Variants in PRKAR1B observed in about 807,000 individuals in gnomAD.
The protein encoded by PRKAR1B is cAMP-dependent protein kinase type I-beta regulatory subunit.
PRKAR1B carries 22 observed loss-of-function variants against 46.5 expected under a neutral mutation model. That is an observed-to-expected ratio of 0.47 (90% CI 0.34 to 0.68). PRKAR1B has a LOEUF of 0.68. PRKAR1B is among the 30% of genes least tolerant of loss of function. The pLI, the probability that PRKAR1B is intolerant of heterozygous loss-of-function variation, is 0.01. For missense variants in PRKAR1B, 445 were observed against 535.6 expected, an observed-to-expected ratio of 0.83 and a Z score of 1.67; for synonymous variants, 259 against 217.7, an observed-to-expected ratio of 1.19 and a Z score of -1.67.
chr7:551,814 C>A, intron 9 of PRKAR1B, among the ~76,000 whole-genome samples: 1 of 145,322 alleles, frequency 6.9e-6, no homozygotes, highest in Admixed American at 6.8e-5. Context: ...CACCCAAACC[C>A]CCACCTCCCA....
At chr7:573,464 G>A (rs1367759431) in intron 9 of PRKAR1B, among the ~76,000 whole-genome samples, 1 of 152,174 alleles carries the variant, frequency 6.6e-6, no homozygotes, top group Middle Eastern at 3.4e-3. Context: ...CTGTGCAGGA[G>A]CGCGTGGGGG....
chr7:658,607 C>T lies in PRKAR1B; in HGVS notation c.440+18622G>A, dbSNP rs561415793. The stretch of plus-strand genomic sequence containing the variant: ...AAGCCGGCGGCTCACGAAAGCCACT[C>T]TTCTTTCATATACTTTTGAAGTTTT... On this transcript the variant is annotated intron_variant, in intron 4 of 10. Coordinates refer to ENST00000537384, the MANE Select transcript of PRKAR1B (RefSeq NM_001164760.2). Among the ~76,000 whole-genome samples the T allele has an allele frequency of 2.2e-3, 338 of 152,268 alleles. 2 individuals are homozygous for T. The highest frequency in any genetic ancestry group is 0.015 in the South Asian group (71 of 4,822).
At chr7:588,858 ATGGTGGTGATGTTGG>A (rs1780805786) in intron 7 of PRKAR1B, among the ~76,000 whole-genome samples, 2 of 12,048 alleles carry the variant, frequency 1.7e-4, no homozygotes, top group Non-Finnish European at 3.6e-4. Flanking sequence ...GGTGATGGTG[ATGGTGGTGATGTTGG>A]TGAGGATAGT....
At chr7:659,983 C>T (rs1269340834) in intron 4 of PRKAR1B, among the ~76,000 whole-genome samples, 1 of 152,124 alleles carries the variant, frequency 6.6e-6, no homozygotes, top group Non-Finnish European at 1.5e-5. Context: ...AATGTTTGAG[C>T]CCTTGAGGCA....
Position 714,908 on chromosome 7 carries a change from G to A in PRKAR1B, c.-22-3381C>T, listed in dbSNP as rs1189781699. ...TGTTCATCAATAAATACCTTTGGCC[G>A]GATGCGGTGGTTCACACCTGTAATC... On this transcript the variant is annotated intron_variant, in intron 1 of 10. Coordinates refer to ENST00000537384, the MANE Select transcript of PRKAR1B (RefSeq NM_001164760.2). The surrounding 1 kb of genome is among the most constrained non-coding windows in gnomAD (Gnocchi z 4.3). 3.3e-5 allele frequency among the ~76,000 whole-genome samples: 5 copies of A among 152,156 alleles called. No individual in the cohort carries two copies. Among genetic ancestry groups the A allele is most frequent in the African/African-American group, 7.2e-5 (3 of 41,416 alleles).
intron 1 of PRKAR1B, among the ~76,000 whole-genome samples, chr7:715,157 G>C (rs922283394): frequency 1.3e-5 from 2 of 152,130 alleles, no homozygotes; most frequent in African/African-American, 4.8e-5. Flanking sequence ...GGCAGCAAAA[G>C]AGCGAACGAA....
At chr7:723,629 C>A (rs1781149693) in intron 1 of PRKAR1B, among the ~76,000 whole-genome samples, 1 of 152,222 alleles carries the variant, frequency 6.6e-6, no homozygotes, top group Admixed American at 6.5e-5. Context: ...CTGCCACAGC[C>A]TTCCCAGGGC....
upstream of PRKAR1B, among the ~76,000 whole-genome samples, chr7:728,147 C>A (rs898872311): frequency 2.0e-5 from 3 of 152,166 alleles, no homozygotes; most frequent in African/African-American, 7.2e-5. Context: ...CTGATCCGGT[C>A]GTTCCCTTTC....
chr7:600,330 C>A (rs1403081674), intron 6 of PRKAR1B, among the ~76,000 whole-genome samples: 1 of 152,064 alleles, frequency 6.6e-6, no homozygotes, highest in African/African-American at 2.4e-5. Flanking sequence ...CACAGCAAGA[C>A]CCCGTCTCTA....
chr7:709,880 T>C (rs1298041653), intron 2 of PRKAR1B, among the ~76,000 whole-genome samples: 1 of 152,174 alleles, frequency 6.6e-6, no homozygotes, highest in Non-Finnish European at 1.5e-5. Flanking sequence ...TGACCTCAAG[T>C]GATCTTCCCA....
In PRKAR1B at chr7:725,913, G is replaced by C. The variant is rs913322779; in HGVS notation, c.-23+1297C>G. 4.6e-5 allele frequency among the ~76,000 whole-genome samples: 7 copies of C among 152,288 alleles called. No homozygotes were observed. The East Asian group carries it at 5.8e-4, about 13-fold the overall frequency. On this transcript the variant is annotated intron_variant, in intron 1 of 10. Coordinates refer to ENST00000537384, the MANE Select transcript of PRKAR1B (RefSeq NM_001164760.2). ...CACCCAGGAACAGAAGACAGCAAGA[G>C]AATCAACTTTGACTCTCCATGGTTT... is the stretch of plus-strand genomic sequence containing the variant.
At chr7:587,672 G>A (rs1780675010) in intron 7 of PRKAR1B, among the ~76,000 whole-genome samples, 1 of 152,222 alleles carries the variant, frequency 6.6e-6, no homozygotes, top group Non-Finnish European at 1.5e-5. Flanking sequence ...GGAAAGAGCA[G>A]CCCTGGGGAC....
At chr7:592,174 G>A (rs552253167) in intron 7 of PRKAR1B, among the ~76,000 whole-genome samples, 34 of 152,262 alleles carry the variant, frequency 2.2e-4, no homozygotes, top group African/African-American at 6.5e-4. Context: ...AGCACATCAC[G>A]GCTGCCTCAG....
intron 1 of PRKAR1B, among the ~76,000 whole-genome samples, chr7:715,068 C>G (rs1780825392): frequency 6.6e-6 from 1 of 152,046 alleles, no homozygotes; most frequent in Non-Finnish European, 1.5e-5. Context: ...GCCTGTAATC[C>G]CCAGCTACTC....
At chr7:639,975 C>A (rs961686555) in intron 4 of PRKAR1B, among the ~76,000 whole-genome samples, 1 of 151,660 alleles carries the variant, frequency 6.6e-6, no homozygotes, top group Non-Finnish European at 1.5e-5. Context: ...CCAGCCTGGC[C>A]AACATGGTGA....
intron 2 of PRKAR1B, among the ~76,000 whole-genome samples, chr7:707,974 T>G (rs1780422049): frequency 6.7e-6 from 1 of 150,346 alleles, no homozygotes; most frequent in Non-Finnish European, 1.5e-5. Context: ...CCACCACACC[T>G]TGATCTCAGA....
At chr7:660,606 T>C (rs1167814300) in intron 4 of PRKAR1B, among the ~76,000 whole-genome samples, 5 of 91,342 alleles carry the variant, frequency 5.5e-5, no homozygotes, top group Non-Finnish European at 6.0e-5. Flanking sequence ...CAGATGCAAT[T>C]ACCTACTCTC....
At chr7:694,939 G>A (rs1779645637) in intron 2 of PRKAR1B, among the ~76,000 whole-genome samples, 1 of 152,042 alleles carries the variant, frequency 6.6e-6, no homozygotes, top group South Asian at 2.1e-4. Context: ...GGGAGGCTGA[G>A]GCAGGAGAAT....
At chr7:595,049 C>T (rs1781192983) in intron 7 of PRKAR1B, among the ~76,000 whole-genome samples, 1 of 152,198 alleles carries the variant, frequency 6.6e-6, no homozygotes, top group East Asian at 1.9e-4. Context: ...CCTCAAGCTC[C>T]CACCGTGGCT....
Sources: allele counts gnomAD v4.1 joint callset (sites outside exome capture counted in the v4.1 genomes callset), GRCh38; gene constraint gnomAD v4.1.1; non-coding constraint Gnocchi (gnomAD v3.1); transcripts MANE v1.5; gene names NCBI Gene and HGNC (gene_info 2026-07-23, HGNC 2026-07-21).